Variants in SMARCA2 observed in about 807,000 individuals in gnomAD.
The protein encoded by SMARCA2 is SWI/SNF-related matrix-associated actin-dependent regulator of chromatin subfamily A member 2.
SMARCA2 carries 61 observed loss-of-function variants against 199.8 expected under a neutral mutation model. The observed-to-expected ratio is 0.31, with a 90% CI of 0.25 to 0.38. SMARCA2 has a LOEUF of 0.38. SMARCA2 is among the 10% of genes least tolerant of loss of function. The probability of loss-of-function intolerance (pLI) is 1.00; values close to 1 mark genes in which losing one functional copy is unlikely to be tolerated. For synonymous variants in SMARCA2, 935 were observed against 732.0 expected, an observed-to-expected ratio of 1.28 and a Z score of -4.48; for missense variants, 1,344 against 2,012.2, an observed-to-expected ratio of 0.67 and a Z score of 6.35.
In SMARCA2 at chr9:2,170,049, G is replaced by A. The variant is rs1276501459; in HGVS notation, c.4200-370G>A. Among the ~76,000 whole-genome samples the A allele has an allele frequency of 1.3e-5, 2 of 151,994 alleles. No homozygotes were observed. The highest frequency in any genetic ancestry group is 1.3e-4 in the Admixed American group (2 of 15,264). On this transcript the variant is annotated intron_variant, in intron 28 of 33. Transcript: ENST00000349721. This position sits in a 1 kb window ranked among gnomAD's most constrained non-coding sequence, Gnocchi z 4.7. ...TATTTCCCCCATTTTACAAATGAGG[G>A]GCTAAACTCAGATAGACTAGCACTA...
chr9:2,113,819 C>T (rs1243941325), intron 24 of SMARCA2, among the ~76,000 whole-genome samples: 1 of 152,198 alleles, frequency 6.6e-6, no homozygotes, highest in Non-Finnish European at 1.5e-5. Context: ...GTTTTGTCAG[C>T]ATCTTCTTGG....
intron 16 of SMARCA2, 77 bp from the exon 17 acceptor site, chr9:2,084,009 A>G: frequency 6.6e-6 from 5 of 753,998 alleles, no homozygotes; most frequent in Middle Eastern, 2.3e-4. Flanking sequence ...TCTGGGCATC[A>G]TTAAGCTATG....
intron 28 of SMARCA2, among the ~76,000 whole-genome samples, chr9:2,165,186 T>C (rs1825875215): frequency 6.6e-6 from 1 of 152,188 alleles, no homozygotes; most frequent in African/African-American, 2.4e-5. Flanking sequence ...TTTGGTCAAA[T>C]GTTAGGGCTC....
intron 27 of SMARCA2, among the ~76,000 whole-genome samples, chr9:2,134,065 C>A (rs1824084710): frequency 6.6e-6 from 1 of 152,084 alleles, no homozygotes; most frequent in Non-Finnish European, 1.5e-5. Context: ...AAGAAGGACT[C>A]AGAAATACGT....
At chr9:2,192,448 T>A (rs1827948938) in intron 33 of SMARCA2, 1 of 489,174 alleles carries the variant, frequency 2.0e-6, no homozygotes, top group Non-Finnish European at 3.6e-6. Flanking sequence ...CATAAACCTT[T>A]CAAGCCAAAG....
At chr9:2,092,948 T>C (rs1822124340) in intron 19 of SMARCA2, among the ~76,000 whole-genome samples, 3 of 152,218 alleles carry the variant, frequency 2.0e-5, no homozygotes, top group South Asian at 2.1e-4. Flanking sequence ...ACGATTATTA[T>C]AAAAACTTCT....
At chr9:2,051,722 C>A (rs545762791) in intron 5 of SMARCA2, among the ~76,000 whole-genome samples, 1 of 152,146 alleles carries the variant, frequency 6.6e-6, no homozygotes, top group Non-Finnish European at 1.5e-5. Flanking sequence ...ACCAAGGATG[C>A]GGAATAACCA....
At chr9:2,055,294 A>G (rs1282462690) in intron 6 of SMARCA2, among the ~76,000 whole-genome samples, 2 of 152,230 alleles carry the variant, frequency 1.3e-5, no homozygotes, top group East Asian at 3.8e-4. Flanking sequence ...CTGCTCTTGT[A>G]GTTTACAGCA....
At chr9:2,065,527 T>G (rs1247089254) in intron 9 of SMARCA2, among the ~76,000 whole-genome samples, 2 of 152,216 alleles carry the variant, frequency 1.3e-5, no homozygotes, top group African/African-American at 4.8e-5. Flanking sequence ...TGAACCTTCC[T>G]GGCATAATGT....
rs1823337166 is a variant in SMARCA2, at chr9:2,119,062, AAG to A, written c.3685-394_3685-393del. Among the ~76,000 whole-genome samples the A allele has an allele frequency of 6.6e-6, 1 of 152,236 alleles. No homozygotes were observed. Among genetic ancestry groups the A allele is most frequent in the Non-Finnish European group, 1.5e-5 (1 of 68,048 alleles). ...TTTGGCATAAGGTAAATGGAATTAAAAGAATTAATGTTAGGTACTTTTTCATA... is the reference window on the plus strand; with the variant it reads ...TTTGGCATAAGGTAAATGGAATTAAAAATTAATGTTAGGTACTTTTTCATA... On this transcript the variant is annotated intron_variant, in intron 25 of 33. Transcript: ENST00000349721. This position sits in a 1 kb window ranked among gnomAD's most constrained non-coding sequence, Gnocchi z 4.6.
rs755946240 is a variant in SMARCA2 at position 2,104,151 on chromosome 9, C to T, written c.3274C>T (p.Leu1092Phe). 6.2e-7 allele frequency: 1 copy of T among 1,614,006 alleles called. No individual in the cohort carries two copies. Residue 1092 changes from leucine (L) to phenylalanine (F), a missense_variant, in exon 23 of 34, where the codon CTT becomes TTT. Transcript: ENST00000349721. The surrounding 1 kb of genome is among the most constrained non-coding windows in gnomAD (Gnocchi z 4.0). ...MEDYFAFRNFLYLRLDGTTKS... is the reference protein window; with the variant it reads ...MEDYFAFRNFFYLRLDGTTKS... ...GGATTATTTTGCTTTTCGGAACTTCCTTTACCTACGCCTTGATGGTAAGTG... is the reference window on the plus strand; with the variant it reads ...GGATTATTTTGCTTTTCGGAACTTCTTTTACCTACGCCTTGATGGTAAGTG...
In SMARCA2 at chr9:2,084,121, G is replaced by T; in HGVS notation, c.2451G>T (p.Gln817His). Residue 817 changes from glutamine to histidine, a missense_variant, in exon 17 of 34, where the codon CAG (glutamine) becomes CAT (histidine). Gln to His is a conservative substitution (Grantham distance 24). Around this residue, in one of 18 missense-constraint regions of SMARCA2, gnomAD observed 50 missense variants for 81.6 expected, o/e 0.61. Transcript: ENST00000349721. ...CCATGCGTCGCTCCCTTGTCCCCCA[G>T]CTACGGAGTGGCAAATTCAATGTCC... Reference protein sequence around the residue: ...TPAMRRSLVPQLRSGKFNVLL... With the variant: ...TPAMRRSLVPHLRSGKFNVLL... 1 of 1,612,856 alleles carries T rather than the reference G, an allele frequency of 6.2e-7. No homozygotes were observed.
Position 2,104,072 on chromosome 9 carries a change from T to A in SMARCA2, c.3195T>A (p.Thr1065=). ...LDRILPKLRA[T]NHRVLLFCQM... ...GTATTCTGCCAAAATTGAGAGCGAC[T>A]AATCACCGAGTGCTGCTTTTCTGCC... is the stretch of plus-strand genomic sequence containing the variant. The change falls in exon 23 of 34, where the codon ACT becomes ACA. Residue 1065 remains threonine, a synonymous_variant. Coordinates refer to ENST00000349721, the MANE Select transcript of SMARCA2 (RefSeq NM_003070.5). This position sits in a 1 kb window ranked among gnomAD's most constrained non-coding sequence, Gnocchi z 4.0. 1.9e-6 allele frequency: 3 copies of A among 1,614,098 alleles called. No individual in the cohort carries two copies. Among genetic ancestry groups the A allele is most frequent in the Non-Finnish European group, 2.5e-6 (3 of 1,179,978 alleles).
rs1823247953 is a variant in SMARCA2, at chr9:2,117,129, C to T, written c.3684+1080C>T. 2.0e-5 allele frequency among the ~76,000 whole-genome samples: 3 copies of T among 152,132 alleles called. No individual in the cohort carries two copies. The South Asian group carries it at 6.2e-4, about 32-fold the overall frequency. On this transcript the variant is annotated intron_variant, in intron 25 of 33. Transcript: ENST00000349721. ...GAGTACTGAATGTGCATCCCTTCTG[C>T]ACCATTATAAAGTCGAAAAATCCTA...
Position 2,160,549 on chromosome 9 carries a change from C to G in SMARCA2, c.3982-1137C>G, listed in dbSNP as rs545063449. ...AGAAATTATGTCTGAGCTGTAATCA[C>G]TCTTTATATTGATTGTTATACTCAC... On this transcript the variant is annotated intron_variant, in intron 27 of 33. Transcript: ENST00000349721. 785 of 698,218 alleles carry G rather than the reference C, an allele frequency of 1.1e-3. 12 individuals are homozygous for G. Among genetic ancestry groups the G allele is most frequent in the South Asian group, 0.011 (747 of 66,784 alleles). The allele number at this position is 698,218 out of a possible 1,614,324, so 43.3% of individuals were successfully genotyped here.
intron 27 of SMARCA2, among the ~76,000 whole-genome samples, chr9:2,157,208 C>G (rs1048458596): frequency 5.3e-5 from 8 of 152,188 alleles, no homozygotes; most frequent in Admixed American, 2.0e-4. Context: ...TAAAATTCCA[C>G]TATTTTGTTG....
chr9:2,177,560 T>C (rs1826696946), intron 29 of SMARCA2, among the ~76,000 whole-genome samples: 1 of 150,150 alleles, frequency 6.7e-6, no homozygotes, highest in Non-Finnish European at 1.5e-5. Context: ...GTAGATTTCT[T>C]TTTTTTTTTG....
chr9:2,178,042 T>TG (rs1826744250), intron 29 of SMARCA2, among the ~76,000 whole-genome samples: 1 of 151,502 alleles, frequency 6.6e-6, no homozygotes, highest in Non-Finnish European at 1.5e-5. Flanking sequence ...GGTTCCCAGA[T>TG]GAAGCATAAC....
chr9:2,036,327 G>C (rs1819331697), intron 3 of SMARCA2, among the ~76,000 whole-genome samples: 1 of 152,042 alleles, frequency 6.6e-6, no homozygotes, highest in Non-Finnish European at 1.5e-5. Context: ...AATAGCCCTT[G>C]AAGACTAGGG....
Sources: gnomAD v4.1 joint callset for allele counts (sites outside exome capture counted in the v4.1 genomes callset) on GRCh38, gnomAD v4.1.1 for gene constraint, gnomAD v4.1.1 regional missense constraint, Gnocchi (gnomAD v3.1) non-coding constraint, MANE v1.5 for transcripts, NCBI Gene and HGNC (gene_info 2026-07-23, HGNC 2026-07-21) for gene names.